TANGO2: variants seen among roughly 807,000 people sequenced by gnomAD.
TANGO2 encodes transport and Golgi organization protein 2 homolog.
In TANGO2, 26 loss-of-function variants were observed where a neutral mutation model predicts 39.1. The ratio of observed to expected loss-of-function variants is 0.67; its 90% CI spans 0.49 to 0.92. The LOEUF is 0.92. TANGO2 is among the 40% of genes least tolerant of loss of function. The pLI is 0.00. For synonymous variants in TANGO2, 131 were observed against 144.5 expected, an observed-to-expected ratio of 0.91 and a Z score of 0.67; for missense variants, 326 against 360.1, an observed-to-expected ratio of 0.91 and a Z score of 0.77.
intron 1 of TANGO2, among the ~76,000 whole-genome samples, chr22:20,032,732 C>T (rs2042105139): frequency 1.3e-5 from 2 of 152,200 alleles, no homozygotes; most frequent in Admixed American, 1.3e-4. Context: ...ATTCGGGCAA[C>T]CTTGAGGGCG....
intron 7 of TANGO2, 114 bp from the exon 8 acceptor site, chr22:20,063,224 C>T: frequency 1.4e-6 from 1 of 735,052 alleles, no homozygotes; most frequent in Non-Finnish European, 2.3e-6. Context: ...ACAACCCTTG[C>T]AGTTCCCCGG....
intron 1 of TANGO2, among the ~76,000 whole-genome samples, chr22:20,028,519 C>A (rs1205703791): frequency 3.3e-5 from 5 of 152,234 alleles, no homozygotes; most frequent in Admixed American, 6.5e-5. Context: ...GCCTCCAGAG[C>A]TGCCAGTCGT....
In TANGO2 at chr22:20,057,031, A is replaced by C. The variant is rs985127629; in HGVS notation, c.451+1018A>C. 2.2e-6 allele frequency: 1 copy of C among 445,320 alleles called. No individual in the cohort carries two copies. Among genetic ancestry groups the C allele is most frequent in the Non-Finnish European group, 4.5e-6 (1 of 221,140 alleles). The allele number at this position is 445,320 out of a possible 1,614,324, so 27.6% of individuals were successfully genotyped here. Reference sequence around the variant, plus strand: ...TCCTCTGAAGCTCCATGCCCACGTCACACAGACTTTCTTTTGCATTTGGCA... The same window carrying C: ...TCCTCTGAAGCTCCATGCCCACGTCCCACAGACTTTCTTTTGCATTTGGCA... On this transcript the variant is annotated intron_variant, in intron 6 of 8. Transcript: ENST00000327374. This position sits in a 1 kb window ranked among gnomAD's most constrained non-coding sequence, Gnocchi z 4.1.
At chr22:20,035,822 G>A (rs796524409) in intron 1 of TANGO2, among the ~76,000 whole-genome samples, 1 of 152,204 alleles carries the variant, frequency 6.6e-6, no homozygotes, top group Non-Finnish European at 1.5e-5. Flanking sequence ...GTGGGGGACA[G>A]TCTTGAAGGA....
chr22:20,033,180 C>T (rs1338434378), intron 1 of TANGO2: 4 of 520,706 alleles, frequency 7.7e-6, no homozygotes, highest in Non-Finnish European at 1.6e-5. Flanking sequence ...CCTGATGGTC[C>T]CCTCCCCAGG....
rs1333440882 is a variant in TANGO2, at chr22:20,057,338, T to G, written c.451+1325T>G. Among the ~76,000 whole-genome samples, 1 of 152,154 alleles carries G rather than the reference T, an allele frequency of 6.6e-6. No homozygotes were observed. The highest frequency in any genetic ancestry group is 2.4e-5 in the African/African-American group (1 of 41,438). On this transcript the variant is annotated intron_variant, in intron 6 of 8. Transcript: ENST00000327374. This position sits in a 1 kb window ranked among gnomAD's most constrained non-coding sequence, Gnocchi z 4.1. The stretch of plus-strand genomic sequence containing the variant: ...TCCACAGATAGGCCCAGCCCCCATT[T>G]GCTAGGGTGGTGCCCAGACCCGAAC...
chr22:20,033,106 TG>T, intron 1 of TANGO2: 2 of 451,114 alleles, frequency 4.4e-6, no homozygotes, highest in South Asian at 1.6e-5. Context: ...AGAGCTGGGT[TG>T]GGGGCCGGTG....
upstream of TANGO2, among the ~76,000 whole-genome samples, chr22:20,017,495 C>G (rs1383180481): frequency 6.6e-6 from 1 of 152,134 alleles, no homozygotes; most frequent in African/African-American, 2.4e-5. Context: ...CTCACCTCCC[C>G]CACCAGGCCT....
In TANGO2 at chr22:20,064,712, G is replaced by A; in HGVS notation, c.*50G>A. 1.2e-6 allele frequency: 2 copies of A among 1,605,950 alleles called. No homozygotes were observed. Among genetic ancestry groups the A allele is most frequent in the Middle Eastern group, 1.7e-4 (1 of 5,814 alleles). ...GGCTCCTGGGGGGCCCTGCCTTGAG[G>A]GGCACTGTGGACAGGAAACCTTCCT... On this transcript the variant is annotated 3_prime_UTR_variant, in exon 9 of 9. Coordinates refer to ENST00000327374, the MANE Select transcript of TANGO2 (RefSeq NM_152906.7).
At chr22:20,040,817 G>C (rs572175142) in intron 2 of TANGO2, among the ~76,000 whole-genome samples, 46 of 152,304 alleles carry the variant, frequency 3.0e-4, no homozygotes, top group African/African-American at 1.1e-3. Context: ...GGCTGGGTCT[G>C]GGTTGAAACA....
At chr22:20,064,247 T>C (rs947080239) in intron 8 of TANGO2, among the ~76,000 whole-genome samples, 1 of 152,200 alleles carries the variant, frequency 6.6e-6, no homozygotes, top group Non-Finnish European at 1.5e-5. Flanking sequence ...GCCCGCAGGC[T>C]GCCCTATGCC....
At chr22:20,034,309 A>G (rs914021829) in intron 1 of TANGO2, among the ~76,000 whole-genome samples, 14 of 152,236 alleles carry the variant, frequency 9.2e-5, no homozygotes, top group Non-Finnish European at 1.6e-4. Context: ...TCTTTCTGCC[A>G]TCAGAGCATG....
rs777851631 is a variant in TANGO2 at position 20,063,330 on chromosome 22, T to A, written c.606-8T>A. ...GACTAATGGCCACCACTTCTCTCCA[T>A]CCTGCAGGCAGCTGCCAGACCCGGC... On this transcript the variant is annotated splice_region_variant and splice_polypyrimidine_tract_variant and intron_variant, in intron 7 of 8. Coordinates refer to ENST00000327374, the MANE Select transcript of TANGO2 (RefSeq NM_152906.7). 1.2e-6 allele frequency: 2 copies of A among 1,612,288 alleles called. No individual in the cohort carries two copies. Among genetic ancestry groups the A allele is most frequent in the African/African-American group, 2.7e-5 (2 of 74,904 alleles).
At position 20,057,150 on chromosome 22, in the gene TANGO2, C is replaced by T. The variant is rs370438704; in HGVS notation, c.451+1137C>T. 11 of 362,132 alleles carry T rather than the reference C, an allele frequency of 3.0e-5. No homozygotes were observed. The highest frequency in any genetic ancestry group is 8.2e-5 in the South Asian group (4 of 49,064). The allele number at this position is 362,132 out of a possible 1,614,324, so 22.4% of individuals were successfully genotyped here. On this transcript the variant is annotated intron_variant, in intron 6 of 8. Transcript: ENST00000327374. This position sits in a 1 kb window ranked among gnomAD's most constrained non-coding sequence, Gnocchi z 4.1. ...AGCCCCAGGCGTCCCTGGAGGGGCC[C>T]GAGGGAGATGATAAGCAGTCCCCAG...
chr22:20,036,491 T>G (rs2042876881), intron 1 of TANGO2, among the ~76,000 whole-genome samples: 1 of 152,194 alleles, frequency 6.6e-6, no homozygotes. Context: ...TGTCCAGGCC[T>G]TAAGACTACC....
At chr22:20,060,256 G>A (rs896723022) in intron 6 of TANGO2, among the ~76,000 whole-genome samples, 6 of 151,470 alleles carry the variant, frequency 4.0e-5, no homozygotes, top group Non-Finnish European at 8.8e-5. Flanking sequence ...GGCTGAGACA[G>A]GAGAATGGCG....
At chr22:20,053,791 G>C (rs1179531406) in intron 5 of TANGO2, 1 of 553,908 alleles carries the variant, frequency 1.8e-6, no homozygotes, top group Admixed American at 2.2e-5. Flanking sequence ...CCTGGAGAAA[G>C]CTGAGGCTGT....
chr22:20,056,436 G>A (rs374231025), intron 6 of TANGO2: 2 of 462,636 alleles, frequency 4.3e-6, no homozygotes, highest in East Asian at 6.8e-5. Context: ...ACAGATGCAC[G>A]CCTCCTGCAC....
chr22:20,030,566 C>G, intron 1 of TANGO2, among the ~76,000 whole-genome samples: 1 of 152,102 alleles, frequency 6.6e-6, no homozygotes, highest in Non-Finnish European at 1.5e-5. Flanking sequence ...AGGCTGGTCT[C>G]GAACTCTTGA....
Sources: gnomAD v4.1 joint callset for allele counts (sites outside exome capture counted in the v4.1 genomes callset) on GRCh38, gnomAD v4.1.1 for gene constraint, Gnocchi (gnomAD v3.1) non-coding constraint, MANE v1.5 for transcripts, NCBI Gene and HGNC (gene_info 2026-07-23, HGNC 2026-07-21) for gene names.